Variants in TUSC3 observed in about 807,000 individuals in gnomAD.
TUSC3 encodes dolichyl-diphosphooligosaccharide--protein glycosyltransferase subunit TUSC3.
Under a neutral mutation model 44.8 loss-of-function variants are expected in TUSC3, and 45 were observed. The ratio of observed to expected loss-of-function variants is 1.00; its 90% CI spans 0.79 to 1.29. The LOEUF (loss-of-function observed/expected upper bound fraction) is 1.29. TUSC3 is among the 50% of genes most tolerant of loss of function. The probability of loss-of-function intolerance (pLI) is 0.00; values close to 1 mark genes in which losing one functional copy is unlikely to be tolerated. For synonymous variants in TUSC3, 212 were observed against 152.9 expected, an observed-to-expected ratio of 1.39 and a Z score of -2.85; for missense variants, 519 against 437.9, an observed-to-expected ratio of 1.19 and a Z score of -1.65.
chr8:15,423,983 T>TG (rs1799773809), intron 1 of TUSC3, among the ~76,000 whole-genome samples: 1 of 59,998 alleles, frequency 1.7e-5, no homozygotes, highest in Non-Finnish European at 3.0e-5. Context: ...TTTTTTTTTT[T>TG]TTTTTTTTTT....
At chr8:15,829,537 G>A in the TUSC3 span, among the ~76,000 whole-genome samples, 6 of 149,898 alleles carry the variant, frequency 4.0e-5, no homozygotes, top group African/African-American at 1.5e-4. Context: ...TGTGATATAA[G>A]TTGCAAAGGT....
At chr8:15,733,001 T>C (rs1302202341) in intron 7 of TUSC3, among the ~76,000 whole-genome samples, 3 of 152,168 alleles carry the variant, frequency 2.0e-5, no homozygotes, top group African/African-American at 7.2e-5. Context: ...GAGGAGTACT[T>C]GTTTGGCTCT....
chr8:15,633,940 A>G (rs1288629375), intron 2 of TUSC3, among the ~76,000 whole-genome samples: 2 of 152,140 alleles, frequency 1.3e-5, no homozygotes, highest in African/African-American at 4.8e-5. Context: ...AACATCCCAC[A>G]AGGGATGCAT....
At chr8:15,817,348 GA>G in the TUSC3 span, among the ~76,000 whole-genome samples, 1 of 149,704 alleles carries the variant, frequency 6.7e-6, no homozygotes, top group African/African-American at 2.4e-5. Flanking sequence ...ATTAAGACTT[GA>G]AAAAAAAAAG....
the TUSC3 span, among the ~76,000 whole-genome samples, chr8:15,771,918 C>A: frequency 6.6e-6 from 1 of 151,994 alleles, no homozygotes; most frequent in Non-Finnish European, 1.5e-5. Flanking sequence ...GAAACCCCAT[C>A]TCTACTAAAA....
intron 2 of TUSC3, among the ~76,000 whole-genome samples, chr8:15,502,087 A>G (rs1246362504): frequency 2.0e-5 from 3 of 152,268 alleles, no homozygotes; most frequent in Admixed American, 6.5e-5. Context: ...TATCTATTCA[A>G]TATACTTATG....
chr8:15,669,549 A>G (rs1001186576), intron 5 of TUSC3, among the ~76,000 whole-genome samples: 3 of 151,822 alleles, frequency 2.0e-5, no homozygotes, highest in Non-Finnish European at 4.4e-5. Flanking sequence ...AAGTTATTTC[A>G]CTAATACAAG....
chr8:15,597,305 A>G (rs942428317), intron 1 of TUSC3, among the ~76,000 whole-genome samples: 4 of 152,154 alleles, frequency 2.6e-5, no homozygotes, highest in East Asian at 1.9e-4. Flanking sequence ...CTAAACCAGT[A>G]TCATTTGGTT....
the TUSC3 span, among the ~76,000 whole-genome samples, chr8:15,842,414 G>T: frequency 6.6e-6 from 1 of 152,130 alleles, no homozygotes; most frequent in African/African-American, 2.4e-5. Flanking sequence ...CACAGTACCT[G>T]GAATGTAATA....
intron 2 of TUSC3, among the ~76,000 whole-genome samples, chr8:15,517,683 C>G (rs564299579): frequency 6.6e-6 from 1 of 151,914 alleles, no homozygotes; most frequent in African/African-American, 2.4e-5. Flanking sequence ...ATACTGCACA[C>G]GAAACAATTG....
intron 1 of TUSC3, among the ~76,000 whole-genome samples, chr8:15,575,112 A>G (rs939450571): frequency 1.3e-5 from 2 of 152,146 alleles, no homozygotes; most frequent in Admixed American, 1.3e-4. Context: ...GTCATGTAAA[A>G]TGCACATTTT....
At chr8:15,848,047 G>T in the TUSC3 span, among the ~76,000 whole-genome samples, 1 of 152,098 alleles carries the variant, frequency 6.6e-6, no homozygotes, top group Non-Finnish European at 1.5e-5. Flanking sequence ...CTGCTTTTCA[G>T]GACTCACTAT....
chr8:15,540,300 C>T lies in TUSC3; in HGVS notation c.-131C>T, dbSNP rs1801633977. 1.6e-6 allele frequency: 2 copies of T among 1,279,754 alleles called. No homozygotes were observed. The highest frequency in any genetic ancestry group is 4.0e-5 in the Admixed American group (1 of 25,098). The allele number at this position is 1,279,754 out of a possible 1,614,324, so 79.3% of individuals were successfully genotyped here. A position where few individuals can be genotyped will look rare whatever the true frequency, so the allele number is the denominator to read the frequency against. On this transcript the variant is annotated 5_prime_UTR_variant, in exon 1 of 11. Coordinates refer to ENST00000503731, the MANE Select transcript of TUSC3 (RefSeq NM_006765.4). ...TGCGTCCTCGGCCGCGGCCCGGGTC[C>T]CTCGCAAAGCCGCTGCCATCCCGGA...
chr8:15,497,582 G>C (rs1183908033), intron 2 of TUSC3, among the ~76,000 whole-genome samples: 1 of 152,168 alleles, frequency 6.6e-6, no homozygotes, highest in Non-Finnish European at 1.5e-5. Flanking sequence ...GTGAGTTCTG[G>C]AGGGAATGAG....
the TUSC3 span, among the ~76,000 whole-genome samples, chr8:15,824,728 G>C: frequency 1.3e-5 from 2 of 152,126 alleles, no homozygotes; most frequent in Admixed American, 1.3e-4. Context: ...TTGTGCACAT[G>C]TACCCTAAAA....
intron 9 of TUSC3, among the ~76,000 whole-genome samples, chr8:15,753,644 G>C (rs1002603251): frequency 6.6e-6 from 1 of 151,944 alleles, no homozygotes; most frequent in Non-Finnish European, 1.5e-5. Context: ...CATTGCATTA[G>C]TTTCCTTCTT....
At chr8:15,813,210 A>C in the TUSC3 span, among the ~76,000 whole-genome samples, 2 of 152,184 alleles carry the variant, frequency 1.3e-5, no homozygotes, top group African/African-American at 4.8e-5. Flanking sequence ...ACTTAGATGT[A>C]GACACTGTGT....
At chr8:15,514,591 T>C (rs573425196) in intron 2 of TUSC3, among the ~76,000 whole-genome samples, 3 of 152,342 alleles carry the variant, frequency 2.0e-5, no homozygotes, top group South Asian at 4.1e-4. Context: ...ATATTCTAGA[T>C]GCATAATTGC....
chr8:15,548,132 C>A (rs1209589907), intron 1 of TUSC3, among the ~76,000 whole-genome samples: 1 of 151,542 alleles, frequency 6.6e-6, no homozygotes, highest in Non-Finnish European at 1.5e-5. Flanking sequence ...AATAAATTTC[C>A]GTTGCCCCCT....
Sources: gnomAD v4.1 joint callset for allele counts (sites outside exome capture counted in the v4.1 genomes callset) on GRCh38, gnomAD v4.1.1 for gene constraint, MANE v1.5 for transcripts, NCBI Gene and HGNC (gene_info 2026-07-23, HGNC 2026-07-21) for gene names.